The following GRID1 variants were observed in gnomAD, a reference collection of about 807,000 sequenced individuals.
GRID1 encodes the protein glutamate ionotropic receptor delta type subunit 1.
GRID1 carries 28 observed loss-of-function variants against 98.0 expected under a neutral mutation model. That is an observed-to-expected ratio of 0.29 (90% confidence interval 0.21 to 0.39). The LOEUF (loss-of-function observed/expected upper bound fraction) is 0.39. Among genes scored for constraint, GRID1 ranks in the 10% least tolerant of loss-of-function variants. The pLI, the probability that GRID1 is intolerant of heterozygous loss-of-function variation, is 1.00. For missense variants in GRID1, 1,111 were observed against 1,340.5 expected, an observed-to-expected ratio of 0.83 and a Z score of 2.67; for synonymous variants, 553 against 538.5, an observed-to-expected ratio of 1.03 and a Z score of -0.37.
intron 3 of GRID1, among the ~76,000 whole-genome samples, chr10:86,153,187 G>A (rs1434275139): frequency 6.6e-6 from 1 of 152,144 alleles, no homozygotes; most frequent in Admixed American, 6.5e-5. Context: ...CCATGCCTGA[G>A]TCTGGGTGCA....
At chr10:85,665,183 A>C (rs967691046) in intron 12 of GRID1, among the ~76,000 whole-genome samples, 5 of 152,134 alleles carry the variant, frequency 3.3e-5, no homozygotes, top group Admixed American at 2.0e-4. Context: ...AATATATTCC[A>C]GTTTCCTTTC....
rs367710953 is a variant in GRID1, at chr10:86,283,528, G to GAC, written c.236-76882_236-76881dup. On this transcript the variant is annotated intron_variant, in intron 2 of 15. Transcript: ENST00000327946. ...CTGTGGCTGGGTAGCTTGCCCACATGACACACACACACACACCTGCCCTTA... is the reference window on the plus strand; with the variant it reads ...CTGTGGCTGGGTAGCTTGCCCACATGACACACACACACACACACCTGCCCTTA... Among the ~76,000 whole-genome samples the GAC allele has an allele frequency of 2.2e-3, 321 of 148,506 alleles. 1 individual carries two copies. The highest frequency in any genetic ancestry group is 3.0e-3 in the Non-Finnish European group (202 of 67,234).
chr10:86,089,944 G>A (rs1340652638), intron 4 of GRID1, among the ~76,000 whole-genome samples: 2 of 151,874 alleles, frequency 1.3e-5, no homozygotes, highest in African/African-American at 2.4e-5. Flanking sequence ...ATGGAGTTTC[G>A]CCATGTTGGC....
chr10:86,256,841 A>G (rs1016978453), intron 2 of GRID1, among the ~76,000 whole-genome samples: 6 of 152,120 alleles, frequency 3.9e-5, no homozygotes, highest in African/African-American at 1.4e-4. Flanking sequence ...GGCTTCAGCC[A>G]CCGGGAAGCA....
chr10:85,870,643 GA>G (rs1290591060), intron 5 of GRID1, among the ~76,000 whole-genome samples: 2 of 152,224 alleles, frequency 1.3e-5, no homozygotes, highest in Non-Finnish European at 2.9e-5. Context: ...TGGTGCTGTG[GA>G]AGGAAGGTGG....
At chr10:86,331,576 T>C (rs773513087) in intron 2 of GRID1, among the ~76,000 whole-genome samples, 22 of 152,186 alleles carry the variant, frequency 1.4e-4, no homozygotes, top group Non-Finnish European at 2.8e-4. Flanking sequence ...TGGACAGGGC[T>C]GGAGAGACAG....
chr10:85,938,595 G>A (rs915584334), intron 4 of GRID1, among the ~76,000 whole-genome samples: 7 of 152,030 alleles, frequency 4.6e-5, no homozygotes, highest in South Asian at 2.1e-4. Context: ...AAAATGCCAC[G>A]ATACAAACGA....
At chr10:86,131,502 G>T (rs894521357) in intron 4 of GRID1, among the ~76,000 whole-genome samples, 2 of 152,128 alleles carry the variant, frequency 1.3e-5, no homozygotes, top group East Asian at 3.9e-4. Context: ...AGGCCACCAG[G>T]TGTCTTCAGG....
chr10:85,735,901 G>A (rs1841875943), intron 8 of GRID1, among the ~76,000 whole-genome samples: 1 of 144,664 alleles, frequency 6.9e-6, no homozygotes, highest in Non-Finnish European at 1.5e-5. Context: ...AGGAGGGAAA[G>A]GGAGGAAGCA....
intron 5 of GRID1, among the ~76,000 whole-genome samples, chr10:85,881,880 C>A (rs568029799): frequency 2.0e-5 from 3 of 152,190 alleles, no homozygotes; most frequent in African/African-American, 7.2e-5. Context: ...ACTCATCTGA[C>A]AAAGGGCTAC....
intron 10 of GRID1, among the ~76,000 whole-genome samples, chr10:85,726,987 G>A (rs1041735684): frequency 6.6e-6 from 1 of 152,168 alleles, no homozygotes; most frequent in Non-Finnish European, 1.5e-5. Context: ...CCTAGTGTCT[G>A]CCTTTACAGA....
intron 2 of GRID1, among the ~76,000 whole-genome samples, chr10:86,345,752 C>T (rs956404647): frequency 6.6e-6 from 1 of 152,160 alleles, no homozygotes; most frequent in Non-Finnish European, 1.5e-5. Flanking sequence ...ATCCTAGATC[C>T]TTTGATGCTC....
chr10:85,713,173 C>T (rs907826362), intron 12 of GRID1, among the ~76,000 whole-genome samples: 10 of 150,770 alleles, frequency 6.6e-5, no homozygotes, highest in Admixed American at 5.3e-4. Context: ...TTTAGCTAGA[C>T]TAAGAAAAAG....
chr10:86,082,867 T>A (rs1216544850), intron 4 of GRID1, among the ~76,000 whole-genome samples: 1 of 152,176 alleles, frequency 6.6e-6, no homozygotes, highest in Non-Finnish European at 1.5e-5. Flanking sequence ...CTCAAATGTT[T>A]CCTCCTTTGT....
At chr10:85,861,044 T>C (rs1590269622) in intron 6 of GRID1, among the ~76,000 whole-genome samples, 1 of 152,208 alleles carries the variant, frequency 6.6e-6, no homozygotes, top group Non-Finnish European at 1.5e-5. Context: ...ATAAAATATC[T>C]ATGCAGCTTC....
chr10:85,750,556 C>T (rs1336404572), intron 8 of GRID1, among the ~76,000 whole-genome samples: 2 of 152,172 alleles, frequency 1.3e-5, no homozygotes, highest in East Asian at 1.9e-4. Context: ...TCATGTTATG[C>T]TATTTCTACT....
At chr10:86,189,615 C>T (rs1392020168) in intron 3 of GRID1, among the ~76,000 whole-genome samples, 2 of 152,160 alleles carry the variant, frequency 1.3e-5, no homozygotes, top group Admixed American at 1.3e-4. Context: ...CAATAGCTCC[C>T]TATTACCTAT....
intron 4 of GRID1, among the ~76,000 whole-genome samples, chr10:86,041,899 T>C (rs1843350900): frequency 6.6e-6 from 1 of 152,180 alleles, no homozygotes; most frequent in Non-Finnish European, 1.5e-5. Context: ...ATATCTGGCC[T>C]CACGCTGCCT....
chr10:85,780,357 A>T (rs1424625001), intron 8 of GRID1, among the ~76,000 whole-genome samples: 1 of 152,196 alleles, frequency 6.6e-6, no homozygotes. Context: ...ACCCAGGCCT[A>T]CCTGGAGGAG....
Sources: gnomAD v4.1 joint callset for allele counts (sites outside exome capture counted in the v4.1 genomes callset) on GRCh38, gnomAD v4.1.1 for gene constraint, MANE v1.5 for transcripts, NCBI Gene and HGNC (gene_info 2026-07-23, HGNC 2026-07-21) for gene names.